DNMT3B: variants seen among roughly 807,000 people sequenced by gnomAD.
DNMT3B encodes DNA methyltransferase 3 beta, also known as DNA (cytosine-5)-methyltransferase 3B.
In DNMT3B, 37 loss-of-function variants were observed where a neutral mutation model predicts 120.2. The observed-to-expected ratio is 0.31, with a 90% CI of 0.24 to 0.40. The LOEUF (loss-of-function observed/expected upper bound fraction) is 0.40. Among genes scored for constraint, DNMT3B ranks in the 10% least tolerant of loss-of-function variants. DNMT3B has a pLI of 1.00. For missense variants in DNMT3B, 878 were observed against 1,137.3 expected (o/e 0.77, Z 3.28); for synonymous variants, 412 against 442.8 (o/e 0.93, Z 0.87).
intron 6 of DNMT3B, among the ~76,000 whole-genome samples, chr20:32,788,140 G>A (rs549758966): frequency 1.3e-5 from 2 of 152,128 alleles, no homozygotes; most frequent in African/African-American, 4.8e-5. Context: ...GCTTAAACGT[G>A]CAAGTCACAG....
At position 32,787,471 on chromosome 20, in the gene DNMT3B, C is replaced by T. The variant is rs1979464470; in HGVS notation, c.654+20C>T. 2 of 1,608,264 alleles carry T rather than the reference C, an allele frequency of 1.2e-6. No homozygotes were observed. Among genetic ancestry groups the T allele is most frequent in the East Asian group, 4.5e-5 (2 of 44,716 alleles). ...TATCAGGTATGGCCGAGAGGGGCTC[C>T]TGCCCAGGGTGACTGAGGACCCTGA... On this transcript the variant is annotated intron_variant, in intron 6 of 22. Transcript: ENST00000328111.
intron 1 of DNMT3B, among the ~76,000 whole-genome samples, chr20:32,774,640 G>A (rs1987971616): frequency 6.6e-6 from 1 of 151,016 alleles, no homozygotes; most frequent in African/African-American, 2.4e-5. Context: ...TACCTGATAG[G>A]TGATTTTTCA....
At chr20:32,789,280 G>T (rs73906061) in intron 7 of DNMT3B, among the ~76,000 whole-genome samples, 2,664 of 152,320 alleles carry the variant, frequency 0.017, 28 homozygotes, top group South Asian at 0.044. Context: ...AGAATCATCA[G>T]TGTGGACTCT....
chr20:32,787,305 C>G lies in DNMT3B; in HGVS notation c.508C>G (p.Leu170Val). 6.2e-7 allele frequency: 1 copy of G among 1,614,236 alleles called. No individual in the cohort carries two copies. Residue 170 changes from leucine (L) to valine (V), a missense_variant, in exon 6 of 23, where the codon CTC becomes GTC. Around this residue, in one of 4 missense-constraint regions of DNMT3B, gnomAD observed 287 missense variants for 306.2 expected, o/e 0.94. Coordinates refer to ENST00000328111, the MANE Select transcript of DNMT3B (RefSeq NM_006892.4). ...TCCCAGCTCTTACCTTACCATCGAC[C>G]TCACAGACGACACAGAGGACACACA... Reference protein sequence around the residue: ...SPPSSYLTIDLTDDTEDTHGT... With the variant: ...SPPSSYLTIDVTDDTEDTHGT...
chr20:32,767,130 G>A (rs551856109), intron 1 of DNMT3B, among the ~76,000 whole-genome samples: 1 of 151,690 alleles, frequency 6.6e-6, no homozygotes, highest in Admixed American at 6.6e-5. Context: ...AACCTCAGGT[G>A]ATCTGCCCAC....
intron 1 of DNMT3B, among the ~76,000 whole-genome samples, chr20:32,775,376 G>A (rs1313451874): frequency 6.6e-6 from 1 of 152,204 alleles, no homozygotes; most frequent in Non-Finnish European, 1.5e-5. Flanking sequence ...GCTGGTATCA[G>A]CCTGGAGGAA....
chr20:32,795,541 G>T lies in DNMT3B; in HGVS notation c.1252+7G>T. On this transcript the variant is annotated splice_region_variant and intron_variant, in intron 11 of 22. Coordinates refer to ENST00000328111, the MANE Select transcript of DNMT3B (RefSeq NM_006892.4). ...GATGAAGATCAGAGCCGAGGTGATT[G>T]TTGGGTACCTGGGATCATGGGACAG... 6.2e-7 allele frequency: 1 copy of T among 1,614,186 alleles called. No individual in the cohort carries two copies. The highest frequency in any genetic ancestry group is 1.7e-5 in the Admixed American group (1 of 60,008).
chr20:32,781,643 A>G (rs1289351884), intron 3 of DNMT3B, among the ~76,000 whole-genome samples: 2 of 152,234 alleles, frequency 1.3e-5, no homozygotes, highest in Admixed American at 1.3e-4. Context: ...GCTTTCCACG[A>G]TTTCAGTTGC....
chr20:32,802,361 C>T (rs928543344), intron 19 of DNMT3B, 24 bp from the exon 20 acceptor site: 3 of 1,611,696 alleles, frequency 1.9e-6, no homozygotes, highest in Non-Finnish European at 2.5e-6. Context: ...AGGCTCCTAA[C>T]AGTAACCTTC....
At chr20:32,787,101 C>T (rs1305871626) in intron 5 of DNMT3B, 129 bp from the exon 6 acceptor site, 11 of 1,114,388 alleles carry the variant, frequency 9.9e-6, no homozygotes, top group East Asian at 7.1e-5. Context: ...GTTTCTTCAG[C>T]GGTCTCTGTT....
At position 32,786,717 on chromosome 20, in the gene DNMT3B, T is replaced by C. The variant is rs1323661144; in HGVS notation, c.432+90T>C. 24 of 1,590,676 alleles carry C rather than the reference T, an allele frequency of 1.5e-5. No individual in the cohort carries two copies. In the Admixed American group the frequency reaches 2.2e-4, roughly 14 times the overall value. Reference sequence around the variant, plus strand: ...TGCACTACTGGTTGTGGCTGGTAGATAATCTGTGTCCTTTTTTCACACTGC... The same window carrying C: ...TGCACTACTGGTTGTGGCTGGTAGACAATCTGTGTCCTTTTTTCACACTGC... On this transcript the variant is annotated intron_variant, in intron 5 of 22. Coordinates refer to ENST00000328111, the MANE Select transcript of DNMT3B (RefSeq NM_006892.4).
At chr20:32,778,493 TC>T (rs2145894947) in intron 1 of DNMT3B, among the ~76,000 whole-genome samples, 1 of 152,304 alleles carries the variant, frequency 6.6e-6, no homozygotes, top group Non-Finnish European at 1.5e-5. Flanking sequence ...CCTGCGTGGC[TC>T]CTGGGCCACA....
chr20:32,797,744 C>T (rs1327265664), intron 14 of DNMT3B, among the ~76,000 whole-genome samples: 1 of 151,910 alleles, frequency 6.6e-6, no homozygotes, highest in Non-Finnish European at 1.5e-5. Context: ...ACTGCAACCT[C>T]TGCCTCCAGG....
chr20:32,795,597 G>C (rs1980518767), intron 11 of DNMT3B, 53 bp from the exon 12 acceptor site: 11 of 1,614,158 alleles, frequency 6.8e-6, no homozygotes, highest in Non-Finnish European at 9.3e-6. Flanking sequence ...ATCAGGAATT[G>C]ATCTGTACCC....
chr20:32,770,159 C>T (rs1987630166), intron 1 of DNMT3B, among the ~76,000 whole-genome samples: 1 of 152,124 alleles, frequency 6.6e-6, no homozygotes, highest in African/African-American at 2.4e-5. Flanking sequence ...GTCACTCAGG[C>T]TAGAGTGCAA....
At chr20:32,795,844 A>G (rs1336796018) in intron 12 of DNMT3B, 150 bp downstream of exon 12, 2 of 1,013,098 alleles carry the variant, frequency 2.0e-6, no homozygotes, top group Non-Finnish European at 3.0e-6. Flanking sequence ...CCTGCATCTT[A>G]GTTGCTAGTT....
intron 4 of DNMT3B, 82 bp downstream of exon 4, chr20:32,784,941 C>A: frequency 1.5e-6 from 2 of 1,349,060 alleles, no homozygotes; most frequent in Non-Finnish European, 2.1e-6. Flanking sequence ...CATAGCATAG[C>A]TCCTTAGGGG....
chr20:32,807,617 A>T, intron 22 of DNMT3B, 145 bp from the exon 23 acceptor site: 1 of 1,202,894 alleles, frequency 8.3e-7, no homozygotes, highest in Non-Finnish European at 1.2e-6. Flanking sequence ...GTTCTGAATT[A>T]AGGGCTCTGA....
intron 1 of DNMT3B, among the ~76,000 whole-genome samples, chr20:32,765,747 T>A (rs1987309859): frequency 1.5e-5 from 2 of 130,982 alleles, no homozygotes; most frequent in South Asian, 2.4e-4. Flanking sequence ...TTATTTATTT[T>A]TTCTTTTTTT....
Sources: gnomAD v4.1 joint callset for allele counts (sites outside exome capture counted in the v4.1 genomes callset) on GRCh38, gnomAD v4.1.1 for gene constraint, gnomAD v4.1.1 regional missense constraint, MANE v1.5 for transcripts, NCBI Gene and HGNC (gene_info 2026-07-23, HGNC 2026-07-21) for gene names.